Variants in RANBP2 observed in about 807,000 individuals in gnomAD.
The protein encoded by RANBP2 is RAN binding protein 2.
Under a neutral mutation model 303.6 loss-of-function variants are expected in RANBP2, and 57 were observed. The ratio of observed to expected loss-of-function variants is 0.19; its 90% confidence interval spans 0.15 to 0.23. The LOEUF (loss-of-function observed/expected upper bound fraction) is 0.23, where lower values mean the gene tolerates loss of function less well. Among genes scored for constraint, RANBP2 ranks in the 10% least tolerant of loss-of-function variants. The pLI is 1.00. For synonymous variants in RANBP2, 1,167 were observed against 1,301.5 expected, an observed-to-expected ratio of 0.90 and a Z score of 2.23; for missense variants, 3,138 against 3,780.8, an observed-to-expected ratio of 0.83 and a Z score of 4.46.
At chr2:108,749,486 C>T (rs1296868814) in intron 9 of RANBP2, among the ~76,000 whole-genome samples, 5 of 151,904 alleles carry the variant, frequency 3.3e-5, no homozygotes, top group Admixed American at 6.6e-5. Context: ...TTAGTAGAGA[C>T]GGGGTTTCAT....
the RANBP2 span, chr2:109,503,576 A>G: frequency 6.6e-6 from 1 of 152,210 alleles, no homozygotes; most frequent in Non-Finnish European, 1.5e-5. Context: ...ATTTACCATT[A>G]TTGCCAAACT....
At chr2:109,708,031 C>A in the RANBP2 span, among the ~76,000 whole-genome samples, 2 of 152,154 alleles carry the variant, frequency 1.3e-5, no homozygotes, top group Non-Finnish European at 2.9e-5. Context: ...TTAGAGAAAC[C>A]TACTTGGCAT....
At chr2:109,409,822 C>G in the RANBP2 span, among the ~76,000 whole-genome samples, 5 of 152,050 alleles carry the variant, frequency 3.3e-5, no homozygotes, top group Non-Finnish European at 5.9e-5. Flanking sequence ...GAAGCAAGTT[C>G]ATGAGGGTCT....
chr2:108,914,617 C>G, the RANBP2 span, among the ~76,000 whole-genome samples: 20 of 152,336 alleles, frequency 1.3e-4, no homozygotes, highest in African/African-American at 4.8e-4. Flanking sequence ...TGTTCCAGAC[C>G]TCCTAAAAGA....
At chr2:109,091,303 C>T in the RANBP2 span, among the ~76,000 whole-genome samples, 2 of 152,092 alleles carry the variant, frequency 1.3e-5, no homozygotes, top group Admixed American at 6.6e-5. Flanking sequence ...TAGGAATCCT[C>T]TGCATATTTT....
At chr2:109,154,162 A>G in the RANBP2 span, among the ~76,000 whole-genome samples, 1 of 152,168 alleles carries the variant, frequency 6.6e-6, no homozygotes, top group Admixed American at 6.5e-5. Flanking sequence ...AGGGTTCAAA[A>G]TGTCATCCCT....
the RANBP2 span, among the ~76,000 whole-genome samples, chr2:109,386,899 G>A: frequency 2.6e-5 from 4 of 152,264 alleles, no homozygotes; most frequent in African/African-American, 9.6e-5. Flanking sequence ...TGTCACTGCC[G>A]CAGCTCAGGA....
chr2:109,083,765 A>T, the RANBP2 span, among the ~76,000 whole-genome samples: 1 of 151,580 alleles, frequency 6.6e-6, no homozygotes, highest in Non-Finnish European at 1.5e-5. Flanking sequence ...TTACATTCCC[A>T]CCTGCAGTGC....
At chr2:109,320,869 C>T in the RANBP2 span, among the ~76,000 whole-genome samples, 7 of 152,210 alleles carry the variant, frequency 4.6e-5, no homozygotes, top group Non-Finnish European at 1.0e-4. Flanking sequence ...AGATTCAAAT[C>T]CCTGCCCTAC....
chr2:109,543,890 G>A, the RANBP2 span: 1 of 411,916 alleles, frequency 2.4e-6, no homozygotes, highest in East Asian at 4.4e-5. Context: ...AACGGGACCC[G>A]ACTCTAATTA....
At chr2:109,352,730 C>G in the RANBP2 span, among the ~76,000 whole-genome samples, 6 of 152,280 alleles carry the variant, frequency 3.9e-5, no homozygotes, top group South Asian at 1.2e-3. Flanking sequence ...GCTCAGTGCA[C>G]CTGCAGCCAC....
the RANBP2 span, among the ~76,000 whole-genome samples, chr2:109,155,523 G>C: frequency 2.0e-5 from 3 of 152,154 alleles, no homozygotes; most frequent in African/African-American, 4.8e-5. Flanking sequence ...GGGTGGTCTC[G>C]ATCTCCTGAC....
At chr2:109,530,279 G>A in the RANBP2 span, among the ~76,000 whole-genome samples, 1 of 152,156 alleles carries the variant, frequency 6.6e-6, no homozygotes, top group Non-Finnish European at 1.5e-5. Context: ...GCGGCATGTG[G>A]TCAGGCAGTC....
At chr2:109,573,441 A>C in the RANBP2 span, among the ~76,000 whole-genome samples, 1 of 152,216 alleles carries the variant, frequency 6.6e-6, no homozygotes, top group East Asian at 1.9e-4. Flanking sequence ...CAACTGGCTA[A>C]ATGGTTAGAA....
the RANBP2 span, among the ~76,000 whole-genome samples, chr2:109,301,220 G>T: frequency 6.6e-6 from 1 of 152,132 alleles, no homozygotes; most frequent in East Asian, 1.9e-4. Context: ...GATGTCAGGG[G>T]TTTGCTGATC....
At chr2:108,941,308 C>G in the RANBP2 span, among the ~76,000 whole-genome samples, 1 of 152,158 alleles carries the variant, frequency 6.6e-6, no homozygotes, top group Admixed American at 6.5e-5. Flanking sequence ...CAGTCCTGAC[C>G]TTGCTTTTGA....
chr2:109,129,184 G>C, the RANBP2 span: 3 of 461,920 alleles, frequency 6.5e-6, 1 homozygote, highest in South Asian at 5.1e-5. Context: ...GGTCTCCCAG[G>C]CGCGAGCCGC....
At chr2:108,927,676 GT>G in the RANBP2 span, among the ~76,000 whole-genome samples, 1 of 152,100 alleles carries the variant, frequency 6.6e-6, no homozygotes, top group East Asian at 1.9e-4. Context: ...AGCACCCTGA[GT>G]GCATAGTGAC....
At chr2:109,584,299 A>AT in the RANBP2 span, among the ~76,000 whole-genome samples, 1 of 30,422 alleles carries the variant, frequency 3.3e-5, no homozygotes. Flanking sequence ...CAACAAGGTG[A>AT]AACCCGTCTC....
Sources: gnomAD v4.1 joint callset for allele counts (sites outside exome capture counted in the v4.1 genomes callset) on GRCh38, gnomAD v4.1.1 for gene constraint, MANE v1.5 for transcripts, NCBI Gene and HGNC (gene_info 2026-07-23, HGNC 2026-07-21) for gene names.